SAMD5: variants seen among roughly 807,000 people sequenced by gnomAD.
SAMD5 encodes sterile alpha motif domain containing 5, also known as sterile alpha motif domain-containing protein 5.
SAMD5 carries 13 observed loss-of-function variants against 11.3 expected under a neutral mutation model. The observed-to-expected ratio is 1.15, with a 90% CI of 0.75 to 1.83. The LOEUF (loss-of-function observed/expected upper bound fraction) is 1.83. SAMD5 is among the 40% of genes most tolerant of loss of function. The probability of loss-of-function intolerance (pLI) is 0.00; values close to 1 mark genes in which losing one functional copy is unlikely to be tolerated. For synonymous variants in SAMD5, 129 were observed against 111.3 expected (o/e 1.16, Z -1.00); for missense variants, 255 against 239.1 (o/e 1.07, Z -0.44).
intron 1 of SAMD5, among the ~76,000 whole-genome samples, chr6:147,667,081 A>G (rs182712543): frequency 1.3e-5 from 2 of 152,274 alleles, no homozygotes; most frequent in East Asian, 3.9e-4. Context: ...CATGAGCTGC[A>G]CCATCATTAA....
chr6:147,942,096 C>T, the SAMD5 span, among the ~76,000 whole-genome samples: 1 of 152,148 alleles, frequency 6.6e-6, no homozygotes, highest in African/African-American at 2.4e-5. Context: ...CAGGGCTGGT[C>T]TCAAACTCCT....
the SAMD5 span, among the ~76,000 whole-genome samples, chr6:147,914,543 C>G: frequency 1.3e-5 from 2 of 152,168 alleles, no homozygotes; most frequent in Non-Finnish European, 2.9e-5. Flanking sequence ...GCGGTGAACT[C>G]GGAGTGGAAG....
intron 1 of SAMD5, among the ~76,000 whole-genome samples, chr6:147,727,634 A>T (rs145075640): frequency 6.6e-6 from 1 of 151,942 alleles, no homozygotes; most frequent in African/African-American, 2.4e-5. Flanking sequence ...ATGATTTTCA[A>T]CAACAGGCCA....
chr6:147,881,125 A>G, the SAMD5 span, among the ~76,000 whole-genome samples: 10 of 152,304 alleles, frequency 6.6e-5, no homozygotes, highest in Admixed American at 4.6e-4. Context: ...ATCTCAACCC[A>G]GCAGTGGCCC....
chr6:147,596,612 CT>C (rs1352150919), intron 1 of SAMD5, among the ~76,000 whole-genome samples: 2 of 152,198 alleles, frequency 1.3e-5, no homozygotes, highest in East Asian at 3.8e-4. Flanking sequence ...CAGTAGTTCT[CT>C]TTCCCCAATT....
chr6:147,621,391 T>A (rs1014390177), intron 1 of SAMD5, among the ~76,000 whole-genome samples: 1 of 152,134 alleles, frequency 6.6e-6, no homozygotes, highest in African/African-American at 2.4e-5. Context: ...AGGTTGGAGA[T>A]GGGAGCAGGA....
chr6:147,920,512 C>T, the SAMD5 span, among the ~76,000 whole-genome samples: 1 of 152,136 alleles, frequency 6.6e-6, no homozygotes, highest in Admixed American at 6.5e-5. Context: ...ACTTTGTGAT[C>T]GTGTGAGTCA....
the SAMD5 span, among the ~76,000 whole-genome samples, chr6:147,781,772 G>GCACACACACACACA: frequency 1.4e-5 from 2 of 146,270 alleles, no homozygotes; most frequent in African/African-American, 5.0e-5. Context: ...ATTTGTGTGC[G>GCACACACACACACA]CACACACACA....
At chr6:147,612,376 G>C (rs111354791) in intron 1 of SAMD5, among the ~76,000 whole-genome samples, 8 of 151,884 alleles carry the variant, frequency 5.3e-5, no homozygotes, top group Non-Finnish European at 8.8e-5. Flanking sequence ...TAAGACTTTC[G>C]CACTCCTATT....
Position 147,727,774 on chromosome 6 carries a change from TG to T in SAMD5, c.163-9542del, listed in dbSNP as rs531040906. ...TTCAGCTAATGGCGGGAGTCATGTATGTTGGGTGCCTAAAAGCATCAGACAG... is the reference window on the plus strand; with the variant it reads ...TTCAGCTAATGGCGGGAGTCATGTATTTGGGTGCCTAAAAGCATCAGACAG... On this transcript the variant is annotated intron_variant, in intron 1 of 1. Coordinates refer to the SAMD5 transcript ENST00000566741. Among the ~76,000 whole-genome samples the T allele has an allele frequency of 6.6e-5, 10 of 152,198 alleles. No individual in the cohort carries two copies. In the East Asian group the frequency reaches 1.9e-3, roughly 29 times the overall value.
the SAMD5 span, among the ~76,000 whole-genome samples, chr6:147,828,783 T>C: frequency 1.3e-5 from 2 of 152,192 alleles, no homozygotes; most frequent in African/African-American, 4.8e-5. Context: ...CACTGACTAA[T>C]GCAGCAGAGT....
At chr6:147,526,869 CTAA>C (rs1788350808) in intron 1 of SAMD5, among the ~76,000 whole-genome samples, 1 of 152,182 alleles carries the variant, frequency 6.6e-6, no homozygotes, top group African/African-American at 2.4e-5. Flanking sequence ...CCCTGTGGTA[CTAA>C]TGAGTTTAGA....
chr6:147,908,315 A>G, the SAMD5 span, among the ~76,000 whole-genome samples: 4 of 152,202 alleles, frequency 2.6e-5, no homozygotes, highest in Non-Finnish European at 4.4e-5. Flanking sequence ...GGCAAAGGTC[A>G]GAATCCAACG....
chr6:147,888,388 T>C, the SAMD5 span, among the ~76,000 whole-genome samples: 24 of 152,102 alleles, frequency 1.6e-4, no homozygotes, highest in Non-Finnish European at 3.1e-4. Flanking sequence ...ACATTTTCAC[T>C]GAGCCTTAAT....
At chr6:147,932,433 T>G in the SAMD5 span, among the ~76,000 whole-genome samples, 3 of 152,136 alleles carry the variant, frequency 2.0e-5, no homozygotes, top group African/African-American at 7.2e-5. Context: ...AGTTACGTCA[T>G]CAGCAGTCAT....
intron 1 of SAMD5, among the ~76,000 whole-genome samples, chr6:147,731,481 T>C (rs2128460044): frequency 6.6e-6 from 1 of 152,278 alleles, no homozygotes; most frequent in Admixed American, 6.5e-5. Flanking sequence ...TTAGTAGCTA[T>C]GGAAAACAAT....
chr6:147,651,086 T>A (rs1298760469), intron 1 of SAMD5, among the ~76,000 whole-genome samples: 2 of 152,172 alleles, frequency 1.3e-5, no homozygotes, highest in Non-Finnish European at 2.9e-5. Flanking sequence ...AAAGAAACAT[T>A]TGTCTGGAAG....
chr6:147,581,426 G>A (rs1163909282), intron 1 of SAMD5, among the ~76,000 whole-genome samples: 1 of 152,168 alleles, frequency 6.6e-6, no homozygotes, highest in Non-Finnish European at 1.5e-5. Flanking sequence ...CACAGGAAAG[G>A]ATAAGATGGC....
intron 1 of SAMD5, among the ~76,000 whole-genome samples, chr6:147,705,101 G>A (rs1338918216): frequency 1.3e-5 from 2 of 152,216 alleles, no homozygotes; most frequent in African/African-American, 2.4e-5. Context: ...AACCTTGTAA[G>A]ACAGTAAGAA....
Sources: allele counts gnomAD v4.1 joint callset (sites outside exome capture counted in the v4.1 genomes callset), GRCh38; gene constraint gnomAD v4.1.1; transcripts MANE v1.5; gene names NCBI Gene and HGNC (gene_info 2026-07-23, HGNC 2026-07-21).